Variants in ZNF804B observed in about 807,000 individuals in gnomAD.
ZNF804B encodes zinc finger protein 804B.
In ZNF804B, 80 loss-of-function variants were observed where a neutral mutation model predicts 101.4. The ratio of observed to expected loss-of-function variants is 0.79; its 90% CI spans 0.66 to 0.95. The LOEUF (loss-of-function observed/expected upper bound fraction) is 0.95. Among genes scored for constraint, ZNF804B ranks in the 40% least tolerant of loss-of-function variants. The pLI is 0.00. For synonymous variants in ZNF804B, 622 were observed against 558.8 expected (o/e 1.11, Z -1.59); for missense variants, 1,673 against 1,561.9 (o/e 1.07, Z -1.20).
intron 1 of ZNF804B, among the ~76,000 whole-genome samples, chr7:88,796,995 C>T (rs73393418): frequency 0.018 from 2,811 of 152,232 alleles, 88 homozygotes; most frequent in African/African-American, 0.062. Context: ...TCTCCAGTCA[C>T]TTATTCACAA....
At chr7:89,263,611 T>A (rs936308232) in intron 2 of ZNF804B, among the ~76,000 whole-genome samples, 3 of 152,002 alleles carry the variant, frequency 2.0e-5, no homozygotes, top group Non-Finnish European at 4.4e-5. Flanking sequence ...TTAAGGTGAC[T>A]TATGCAGGTG....
chr7:89,131,039 A>G (rs140163147), intron 1 of ZNF804B, among the ~76,000 whole-genome samples: 2 of 152,140 alleles, frequency 1.3e-5, no homozygotes, highest in East Asian at 3.9e-4. Flanking sequence ...TATTTTCTGT[A>G]TAGAAGCAGG....
chr7:89,258,978 AT>A (rs113653865), intron 2 of ZNF804B, among the ~76,000 whole-genome samples: 31 of 149,490 alleles, frequency 2.1e-4, no homozygotes, highest in African/African-American at 3.2e-4. Flanking sequence ...TTTCTGTCTG[AT>A]TTTTTTTTTG....
At position 89,109,455 on chromosome 7, in the gene ZNF804B, T is replaced by C. The variant is rs182348358; in HGVS notation, c.109-108700T>C. ...TGCCAAGGTTTCTGCAAGCTGTCAA[T>C]TGTCCCAATGCTGGCTGTTGATCTC... On this transcript the variant is annotated intron_variant, in intron 1 of 3. Coordinates refer to ENST00000333190, the MANE Select transcript of ZNF804B (RefSeq NM_181646.5). Among the ~76,000 whole-genome samples the C allele has an allele frequency of 1.1e-4, 17 of 152,296 alleles. No homozygotes were observed. The East Asian group carries it at 3.3e-3, about 29-fold the overall frequency.
chr7:89,282,589 G>C (rs1562936398), intron 2 of ZNF804B, among the ~76,000 whole-genome samples: 1 of 152,146 alleles, frequency 6.6e-6, no homozygotes, highest in Non-Finnish European at 1.5e-5. Context: ...TCTGCAATCT[G>C]TATATGCTAT....
At chr7:88,977,030 C>G (rs1019155369) in intron 1 of ZNF804B, among the ~76,000 whole-genome samples, 2 of 151,624 alleles carry the variant, frequency 1.3e-5, no homozygotes, top group Non-Finnish European at 3.0e-5. Flanking sequence ...TACGATGTAT[C>G]ACATTGATTG....
At chr7:88,946,283 GT>G (rs201266177) in intron 1 of ZNF804B, among the ~76,000 whole-genome samples, 36,825 of 147,344 alleles carry the variant, frequency 0.25, 4,852 homozygotes, top group East Asian at 0.48. Flanking sequence ...TTTATTGAGA[GT>G]TTTTTTTTTT....
At chr7:89,014,149 T>TA (rs771265433) in intron 1 of ZNF804B, among the ~76,000 whole-genome samples, 1 of 152,216 alleles carries the variant, frequency 6.6e-6, no homozygotes, top group African/African-American at 2.4e-5. Flanking sequence ...ATAGTGGCTA[T>TA]AATAGTTTAC....
intron 1 of ZNF804B, among the ~76,000 whole-genome samples, chr7:88,797,906 G>T (rs952682390): frequency 1.3e-5 from 2 of 152,088 alleles, no homozygotes; most frequent in African/African-American, 4.8e-5. Flanking sequence ...GAACAAGATT[G>T]TTAACTCACC....
intron 1 of ZNF804B, among the ~76,000 whole-genome samples, chr7:89,033,535 A>G (rs28515182): frequency 0.14 from 20,632 of 152,094 alleles, 1,792 homozygotes; most frequent in East Asian, 0.27. Context: ...TGGAACCTAC[A>G]CACAGTTTTC....
At chr7:89,221,759 G>A (rs1789008624) in intron 2 of ZNF804B, among the ~76,000 whole-genome samples, 2 of 108,458 alleles carry the variant, frequency 1.8e-5, no homozygotes, top group Non-Finnish European at 4.0e-5. Context: ...CTATCTATAT[G>A]CACACTTCCA....
At position 89,336,441 on chromosome 7, in the gene ZNF804B, C is replaced by T. The variant is rs76889726; in HGVS notation, c.3459C>T (p.Asp1153=). ...LIQQPITFSP[D]EIDKYKILQL... The stretch of plus-strand genomic sequence containing the variant: ...AACAGCCCATAACATTTTCTCCTGA[C>T]GAAATAGATAAATATAAGATCCTAC... The change falls in exon 4 of 4, where the codon GAC becomes GAT. Residue 1153 remains aspartate (D), a synonymous_variant. Coordinates refer to ENST00000333190, the MANE Select transcript of ZNF804B (RefSeq NM_181646.5). 195 of 1,613,972 alleles carry T rather than the reference C, an allele frequency of 1.2e-4. 1 individual carries two copies. In the East Asian group the frequency reaches 3.8e-3, roughly 32 times the overall value.
At chr7:89,240,238 A>G (rs1382525764) in intron 2 of ZNF804B, among the ~76,000 whole-genome samples, 3 of 152,104 alleles carry the variant, frequency 2.0e-5, no homozygotes, top group Admixed American at 2.0e-4. Flanking sequence ...GTCAGTAGTA[A>G]CAGAACCTAG....
intron 1 of ZNF804B, among the ~76,000 whole-genome samples, chr7:88,864,625 A>G (rs1791698348): frequency 6.6e-6 from 1 of 152,132 alleles, no homozygotes; most frequent in African/African-American, 2.4e-5. Flanking sequence ...ATTATTTATC[A>G]ATGTATTGAT....
chr7:88,960,039 A>G (rs936805798), intron 1 of ZNF804B, among the ~76,000 whole-genome samples: 1 of 151,516 alleles, frequency 6.6e-6, no homozygotes, highest in African/African-American at 2.4e-5. Context: ...CCTGAAGAAG[A>G]CAAAAAAGTC....
intron 1 of ZNF804B, among the ~76,000 whole-genome samples, chr7:89,153,588 A>G (rs1485786116): frequency 6.6e-6 from 1 of 152,050 alleles, no homozygotes; most frequent in Non-Finnish European, 1.5e-5. Flanking sequence ...ACTACTAGCA[A>G]TAATAGCAAA....
intron 1 of ZNF804B, chr7:88,794,989 C>T: frequency 6.7e-7 from 1 of 1,483,362 alleles, no homozygotes; most frequent in Non-Finnish European, 9.0e-7. Flanking sequence ...TTTAGCTTAT[C>T]ATAATATTTA....
intron 1 of ZNF804B, among the ~76,000 whole-genome samples, chr7:89,080,150 G>C (rs911606553): frequency 6.6e-6 from 1 of 151,912 alleles, no homozygotes; most frequent in Non-Finnish European, 1.5e-5. Flanking sequence ...TTGGACCAGG[G>C]CAGTGGTGGT....
intron 1 of ZNF804B, among the ~76,000 whole-genome samples, chr7:89,031,329 G>C (rs1788831086): frequency 6.6e-6 from 1 of 150,792 alleles, no homozygotes; most frequent in Non-Finnish European, 1.5e-5. Flanking sequence ...CACGGCCCCT[G>C]TGTCACCATG....
Sources: allele counts gnomAD v4.1 joint callset (sites outside exome capture counted in the v4.1 genomes callset), GRCh38; gene constraint gnomAD v4.1.1; transcripts MANE v1.5; gene names NCBI Gene and HGNC (gene_info 2026-07-23, HGNC 2026-07-21).